Variants in ADAM32 observed in about 807,000 individuals in gnomAD.
The protein encoded by ADAM32 is ADAM metallopeptidase domain 32, also known as disintegrin and metalloproteinase domain-containing protein 32.
A neutral mutation model predicts 114.9 loss-of-function variants in ADAM32; 89 were observed. That is an observed-to-expected ratio of 0.77 (90% confidence interval 0.65 to 0.92). ADAM32 has a LOEUF of 0.92. Among genes scored for constraint, ADAM32 ranks in the 40% least tolerant of loss-of-function variants. ADAM32 has a pLI of 0.00. For missense variants in ADAM32, 870 were observed against 932.8 expected, an observed-to-expected ratio of 0.93 and a Z score of 0.88; for synonymous variants, 285 against 307.5, an observed-to-expected ratio of 0.93 and a Z score of 0.77.
intron 7 of ADAM32, among the ~76,000 whole-genome samples, chr8:39,162,598 C>A (rs1481105891): frequency 6.6e-6 from 1 of 152,032 alleles, no homozygotes; most frequent in East Asian, 1.9e-4. Flanking sequence ...ACTAGTTCAA[C>A]CATTGTGGAA....
intron 10 of ADAM32, 55 bp downstream of exon 10, chr8:39,170,052 C>A: frequency 7.6e-7 from 1 of 1,310,194 alleles, no homozygotes; most frequent in Non-Finnish European, 1.1e-6. Context: ...AATTATTTGA[C>A]ATGATAGTAT....
intron 2 of ADAM32, among the ~76,000 whole-genome samples, chr8:39,136,371 C>T (rs186763012): frequency 3.9e-5 from 6 of 152,218 alleles, no homozygotes; most frequent in Middle Eastern, 3.4e-3. Context: ...TAGTGTAGCA[C>T]GTGACCTATT....
At chr8:39,183,359 G>T (rs73606725) in intron 10 of ADAM32, among the ~76,000 whole-genome samples, 91 of 152,284 alleles carry the variant, frequency 6.0e-4, no homozygotes, top group African/African-American at 2.1e-3. Context: ...TCCCAGAATG[G>T]TGGGGAAGTT....
intron 10 of ADAM32, among the ~76,000 whole-genome samples, chr8:39,175,836 A>G (rs185469097): frequency 6.6e-6 from 1 of 152,234 alleles, no homozygotes; most frequent in Non-Finnish European, 1.5e-5. Flanking sequence ...TAGGCTATTC[A>G]TTAGTTCTGC....
chr8:39,113,281 G>A (rs1396760471), intron 1 of ADAM32, among the ~76,000 whole-genome samples: 1 of 152,182 alleles, frequency 6.6e-6, no homozygotes. Context: ...GCAGCCACAT[G>A]AGTAACATTA....
At chr8:39,273,529 A>AAAAAC (rs139634866) in intron 20 of ADAM32, among the ~76,000 whole-genome samples, 52 of 150,942 alleles carry the variant, frequency 3.4e-4, no homozygotes, top group East Asian at 1.2e-3. Context: ...TCCACCTCAA[A>AAAAAC]AAACAAACAA....
chr8:39,109,212 A>C (rs1840052514), intron 1 of ADAM32, among the ~76,000 whole-genome samples: 1 of 152,228 alleles, frequency 6.6e-6, no homozygotes, highest in African/African-American at 2.4e-5. Context: ...TAGAAATTAA[A>C]ATAGAAATGT....
Position 39,270,860 on chromosome 8 carries a change from T to G in ADAM32, c.2163-16T>G. 1 of 1,603,280 alleles carries G rather than the reference T, an allele frequency of 6.2e-7. No homozygotes were observed. The highest frequency in any genetic ancestry group is 8.5e-7 in the Non-Finnish European group (1 of 1,172,910). ...TTTCTAAGTACTAACATGAGACATT[T>G]TCAATTTCTTTTTAGATCTAAATCG... On this transcript the variant is annotated splice_polypyrimidine_tract_variant and intron_variant, in intron 19 of 24. Coordinates refer to ENST00000379907, the MANE Select transcript of ADAM32 (RefSeq NM_145004.7).
At chr8:39,267,227 G>C (rs1363992657) in intron 19 of ADAM32, among the ~76,000 whole-genome samples, 1 of 152,202 alleles carries the variant, frequency 6.6e-6, no homozygotes, top group Non-Finnish European at 1.5e-5. Flanking sequence ...GAGAGAGGCT[G>C]TGCTGGTGGG....
chr8:39,204,107 G>T (rs551091660), intron 11 of ADAM32, among the ~76,000 whole-genome samples: 1 of 152,068 alleles, frequency 6.6e-6, no homozygotes, highest in Admixed American at 6.6e-5. Flanking sequence ...ACAATTATGT[G>T]TCTTGGAGTT....
intron 19 of ADAM32, among the ~76,000 whole-genome samples, chr8:39,265,443 T>G (rs1278698361): frequency 6.6e-6 from 1 of 152,206 alleles, no homozygotes; most frequent in South Asian, 2.1e-4. Context: ...CTTGCTTCTT[T>G]ATACACTTTG....
chr8:39,246,332 A>C (rs907430279), intron 17 of ADAM32, among the ~76,000 whole-genome samples, 166 bp downstream of exon 17: 3 of 152,210 alleles, frequency 2.0e-5, no homozygotes, highest in Non-Finnish European at 2.9e-5. Flanking sequence ...ATAATTAGTT[A>C]CAGAAGATAT....
chr8:39,129,043 C>G (rs1214274430), intron 2 of ADAM32, among the ~76,000 whole-genome samples: 2 of 151,764 alleles, frequency 1.3e-5, no homozygotes, highest in Non-Finnish European at 2.9e-5. Flanking sequence ...TATGGAAATA[C>G]ACATACACAT....
intron 16 of ADAM32, among the ~76,000 whole-genome samples, chr8:39,234,999 C>T (rs1810024614): frequency 6.6e-6 from 1 of 152,046 alleles, no homozygotes; most frequent in African/African-American, 2.4e-5. Context: ...CTCTCCTTCC[C>T]CCCGCCCCTC....
At chr8:39,171,126 G>A (rs994167300) in intron 10 of ADAM32, among the ~76,000 whole-genome samples, 1 of 151,990 alleles carries the variant, frequency 6.6e-6, no homozygotes, top group Admixed American at 6.6e-5. Flanking sequence ...AGTAAAGAAG[G>A]GTTTTGAACA....
intron 10 of ADAM32, among the ~76,000 whole-genome samples, chr8:39,171,016 C>T (rs1002377173): frequency 1.3e-5 from 2 of 152,130 alleles, no homozygotes; most frequent in African/African-American, 4.8e-5. Context: ...TCACTGCAAC[C>T]TCCGCCTCCA....
chr8:39,190,403 AATACCAAGT>A (rs1314433939), intron 11 of ADAM32, among the ~76,000 whole-genome samples: 1 of 152,210 alleles, frequency 6.6e-6, no homozygotes, highest in African/African-American at 2.4e-5. Flanking sequence ...ACTTTGGATA[AATACCAAGT>A]ACAAAGATTG....
At chr8:39,150,951 G>A (rs1399491800) in intron 5 of ADAM32, among the ~76,000 whole-genome samples, 6 of 28,314 alleles carry the variant, frequency 2.1e-4, no homozygotes, top group African/African-American at 2.9e-4. Flanking sequence ...TCATAATTCT[G>A]CCAAATTTTA....
intron 1 of ADAM32, among the ~76,000 whole-genome samples, chr8:39,113,422 A>G (rs1163293832): frequency 6.6e-6 from 1 of 152,128 alleles, no homozygotes; most frequent in African/African-American, 2.4e-5. Flanking sequence ...TGACAGTTTT[A>G]CCAGTCACCC....
Sources: allele counts gnomAD v4.1 joint callset (sites outside exome capture counted in the v4.1 genomes callset), GRCh38; gene constraint gnomAD v4.1.1; transcripts MANE v1.5; gene names NCBI Gene and HGNC (gene_info 2026-07-23, HGNC 2026-07-21).